The following TMED3 variants were observed in gnomAD, a reference collection of about 807,000 sequenced individuals.
The protein encoded by TMED3 is transmembrane p24 trafficking protein 3.
TMED3 carries 9 observed loss-of-function variants against 15.0 expected under a neutral mutation model. The ratio of observed to expected loss-of-function variants is 0.60; its 90% confidence interval spans 0.36 to 1.04. TMED3 has a LOEUF of 1.04. Among genes scored for constraint, TMED3 ranks in the 50% least tolerant of loss-of-function variants. TMED3 has a pLI of 0.01. For synonymous variants in TMED3, 117 were observed against 121.4 expected (o/e 0.96, Z 0.24); for missense variants, 267 against 278.9 (o/e 0.96, Z 0.30).
At chr15:79,396,037 T>A (rs1206052841) in intron 2 of TMED3, among the ~76,000 whole-genome samples, 3 of 152,220 alleles carry the variant, frequency 2.0e-5, no homozygotes, top group African/African-American at 7.2e-5. Context: ...GAGACAAAAG[T>A]AAATTGTCTC....
chr15:79,320,123 A>G (rs1253874615), intron 2 of TMED3, among the ~76,000 whole-genome samples: 1 of 152,192 alleles, frequency 6.6e-6, no homozygotes, highest in Non-Finnish European at 1.5e-5. Flanking sequence ...CGCTACCGCT[A>G]GACCACAGTC....
At chr15:79,376,907 AGTTCAG>A (rs1468294204) in intron 2 of TMED3, among the ~76,000 whole-genome samples, 1 of 152,130 alleles carries the variant, frequency 6.6e-6, no homozygotes, top group Non-Finnish European at 1.5e-5. Flanking sequence ...TAACAAGGCC[AGTTCAG>A]GTACGTGATG....
chr15:79,317,069 C>T lies in TMED3; in HGVS notation c.417+3064C>T, dbSNP rs577227812. Among the ~76,000 whole-genome samples the T allele has an allele frequency of 3.3e-5, 5 of 152,160 alleles. No homozygotes were observed. The South Asian group carries it at 1.0e-3, about 32-fold the overall frequency. On this transcript the variant is annotated intron_variant, in intron 2 of 2. Transcript: ENST00000299705. ...GTCTCTTGCAGCGTCTGTGCAAGGTCCTGAAGGCGTCTGCAGGTGTTAGTT... is the reference window on the plus strand; with the variant it reads ...GTCTCTTGCAGCGTCTGTGCAAGGTTCTGAAGGCGTCTGCAGGTGTTAGTT...
intron 2 of TMED3, among the ~76,000 whole-genome samples, chr15:79,332,380 A>G (rs2058812613): frequency 1.3e-5 from 2 of 152,242 alleles, no homozygotes. Flanking sequence ...TCGCTCACAC[A>G]GGCCATCTGG....
chr15:79,353,271 A>C (rs60142293), intron 2 of TMED3, among the ~76,000 whole-genome samples: 17 of 38,780 alleles, frequency 4.4e-4, no homozygotes, highest in South Asian at 8.1e-4. Flanking sequence ...ATTATATATA[A>C]TATATATAAT....
chr15:79,341,349 G>A (rs1301395867), intron 2 of TMED3, among the ~76,000 whole-genome samples: 2 of 152,066 alleles, frequency 1.3e-5, no homozygotes, highest in South Asian at 4.2e-4. Context: ...TGGACCATAG[G>A]AAGAGAAGGT....
chr15:79,329,153 T>C (rs12441214), intron 2 of TMED3, among the ~76,000 whole-genome samples: 27,347 of 152,092 alleles, frequency 0.18, 2,417 homozygotes, highest in Admixed American at 0.24. Flanking sequence ...GGGGATTTTC[T>C]TCTGTGATTT....
chr15:79,322,242 A>G lies in TMED3; in HGVS notation c.*28A>G, dbSNP rs376308829. On this transcript the variant is annotated 3_prime_UTR_variant, in exon 3 of 3. Coordinates refer to ENST00000299705, the MANE Select transcript of TMED3 (RefSeq NM_007364.4). ...CCGGCATCCTGCTCTAGGGCCCCTC[A>G]TGCCCCAGGCTGGAGCAGCTCTCCT... 7.5e-6 allele frequency: 12 copies of G among 1,597,750 alleles called. No homozygotes were observed. Among genetic ancestry groups the G allele is most frequent in the African/African-American group, 6.7e-5 (5 of 74,694 alleles).
At chr15:79,375,285 G>C (rs1893404947) in intron 2 of TMED3, among the ~76,000 whole-genome samples, 1 of 151,956 alleles carries the variant, frequency 6.6e-6, no homozygotes, top group South Asian at 2.1e-4. Flanking sequence ...ACCTCTGCTT[G>C]GTCTCCTTCT....
At chr15:79,330,359 C>A (rs2058803648) in intron 2 of TMED3, among the ~76,000 whole-genome samples, 1 of 151,658 alleles carries the variant, frequency 6.6e-6, no homozygotes, top group Admixed American at 6.6e-5. Flanking sequence ...AATCAACATA[C>A]AAAACACAGT....
At chr15:79,397,383 G>T (rs370065257) in intron 2 of TMED3, among the ~76,000 whole-genome samples, 1 of 151,948 alleles carries the variant, frequency 6.6e-6, no homozygotes, top group Non-Finnish European at 1.5e-5. Context: ...TGAGTTTTGC[G>T]CTCTCTGCCT....
chr15:79,319,881 A>C (rs1233943735), intron 2 of TMED3, among the ~76,000 whole-genome samples: 1 of 152,222 alleles, frequency 6.6e-6, no homozygotes, highest in Non-Finnish European at 1.5e-5. Context: ...TGCTACTGCT[A>C]TCTAAAAGCC....
intron 2 of TMED3, among the ~76,000 whole-genome samples, chr15:79,351,849 A>G (rs2058892224): frequency 6.6e-6 from 1 of 152,220 alleles, no homozygotes; most frequent in African/African-American, 2.4e-5. Context: ...CAACAAGTGG[A>G]TAATGTGATA....
At chr15:79,376,132 C>T (rs760362715) in intron 2 of TMED3, among the ~76,000 whole-genome samples, 77 of 120,042 alleles carry the variant, frequency 6.4e-4, no homozygotes, top group Non-Finnish European at 1.1e-3. Flanking sequence ...TTTTTTGAGA[C>T]GAAGTCTCGC....
chr15:79,322,019 G>A lies in TMED3; in HGVS notation c.459G>A (p.Thr153=), dbSNP rs958057331. Reference sequence around the variant, plus strand: ...TGACCATCCATGAGGCTCTGAAAACGGTGATTGACTCCCAGACGCATTACC... The same window carrying A: ...TGACCATCCATGAGGCTCTGAAAACAGTGATTGACTCCCAGACGCATTACC... The part of the protein sequence containing the change: ...ACVTIHEALK[T]VIDSQTHYRL... Residue 153 remains threonine (T), a synonymous_variant, in exon 3 of 3, where the codon ACG becomes ACA. Transcript: ENST00000299705. The A allele has an allele frequency of 2.1e-5, 34 of 1,614,086 alleles. No individual in the cohort carries two copies. Among genetic ancestry groups the A allele is most frequent in the South Asian group, 5.5e-5 (5 of 91,080 alleles).
chr15:79,389,999 A>G (rs1893676964), intron 2 of TMED3, among the ~76,000 whole-genome samples: 1 of 152,106 alleles, frequency 6.6e-6, no homozygotes, highest in South Asian at 2.1e-4. Context: ...AGGAGTCTTT[A>G]GGGTTTTCTA....
chr15:79,353,417 A>T (rs75815467), intron 2 of TMED3, among the ~76,000 whole-genome samples: 12,003 of 133,498 alleles, frequency 0.09, 639 homozygotes, highest in Admixed American at 0.12. Flanking sequence ...TATATATATA[A>T]AAATCAATAT....
At chr15:79,399,798 T>C (rs1893810537) in intron 2 of TMED3, among the ~76,000 whole-genome samples, 1 of 152,182 alleles carries the variant, frequency 6.6e-6, no homozygotes, top group Admixed American at 6.5e-5. Flanking sequence ...TTGTCAAGTG[T>C]AATCCTGCTC....
intron 2 of TMED3, among the ~76,000 whole-genome samples, chr15:79,349,030 G>T (rs1311953397): frequency 6.6e-6 from 1 of 152,198 alleles, no homozygotes; most frequent in Middle Eastern, 3.4e-3. Flanking sequence ...TAGAGACAGG[G>T]TCTCCCTATA....
Sources: allele counts gnomAD v4.1 joint callset (sites outside exome capture counted in the v4.1 genomes callset), GRCh38; gene constraint gnomAD v4.1.1; transcripts MANE v1.5; gene names NCBI Gene and HGNC (gene_info 2026-07-23, HGNC 2026-07-21).